Variants in RPS6KA3 observed in about 807,000 individuals in gnomAD.
RPS6KA3 encodes the protein ribosomal protein S6 kinase alpha-3.
A neutral mutation model predicts 67.2 loss-of-function variants in RPS6KA3; 4 were observed. The ratio of observed to expected loss-of-function variants is 0.06; its 90% confidence interval spans 0.03 to 0.14. The LOEUF (loss-of-function observed/expected upper bound fraction) is 0.14. RPS6KA3 is among the 10% of genes least tolerant of loss of function. The probability of loss-of-function intolerance (pLI) is 1.00; values close to 1 mark genes in which losing one functional copy is unlikely to be tolerated. For synonymous variants in RPS6KA3, 182 were observed against 183.7 expected (o/e 0.99, Z 0.07); for missense variants, 204 against 559.0 (o/e 0.36, Z 6.40).
rs1322260070 is a variant in RPS6KA3, at chrX:20,154,887, T to G, written c.*511A>C. On this transcript the variant is annotated 3_prime_UTR_variant, in exon 22 of 22. Transcript: ENST00000379565. ...AATAGATTCCAAGTTAAACAAGGCA[T>G]GTATACATTAAAGAAAGCAGTACAG... is the stretch of plus-strand genomic sequence containing the variant. 1 of 126,546 alleles carries G rather than the reference T, an allele frequency of 7.9e-6. No homozygotes were observed. The highest frequency in any genetic ancestry group is 2.1e-4 in the East Asian group (1 of 4,666). 10.4% of individuals were successfully genotyped at this position (126,546 alleles called of 1,213,427 possible). A position where few individuals can be genotyped will look rare whatever the true frequency, so the allele number is the denominator to read the frequency against.
intron 2 of RPS6KA3, among the ~76,000 whole-genome samples, chrX:20,220,874 G>C (rs981378377): frequency 5.4e-5 from 6 of 111,855 alleles, no homozygotes; most frequent in African/African-American, 1.9e-4. Context: ...GGAGATGTTA[G>C]GATATATGGC....
rs766544803 is a variant in RPS6KA3, at chrX:20,255,789, CAAAAAAAAAAAAA to C, written c.69+10762_69+10774del. 5.8e-4 allele frequency among the ~76,000 whole-genome samples: 10 copies of C among 17,151 alleles called. 1 individual carries two copies. The highest frequency in any genetic ancestry group is 3.8e-3 in the Admixed American group (3 of 795). The allele number at this position is 17,151 out of a possible 115,157, so 14.9% of individuals were successfully genotyped here. On this transcript the variant is annotated intron_variant, in intron 1 of 21. Coordinates refer to ENST00000379565, the MANE Select transcript of RPS6KA3 (RefSeq NM_004586.3). ...TGGGCAATAGAGCAAAATTTCGTCT[CAAAAAAAAAAAAA>C]AAAAAAAAAAAAAAAAAGGAATTAG...
intron 3 of RPS6KA3, among the ~76,000 whole-genome samples, chrX:20,204,728 C>T (rs2068533054): frequency 9.0e-6 from 1 of 111,221 alleles, no homozygotes; most frequent in Non-Finnish European, 1.9e-5. Context: ...TGGTGAAATC[C>T]CATGTCTACT....
chrX:20,234,845 CA>C, intron 1 of RPS6KA3, 31 bp from the exon 2 acceptor site: 3 of 1,074,064 alleles, frequency 2.8e-6, no homozygotes, highest in Non-Finnish European at 3.9e-6. Flanking sequence ...AGGAAGTTAC[CA>C]AAACAGACCT....
At chrX:20,247,771 A>G (rs1306106963) in intron 1 of RPS6KA3, among the ~76,000 whole-genome samples, 1 of 104,245 alleles carries the variant, frequency 9.6e-6, no homozygotes, top group Non-Finnish European at 2.0e-5. Flanking sequence ...TGGGCGACAG[A>G]GCGAGACTCC....
intron 9 of RPS6KA3, among the ~76,000 whole-genome samples, chrX:20,187,445 C>A (rs1307703953): frequency 9.0e-6 from 1 of 110,831 alleles, no homozygotes; most frequent in Admixed American, 9.6e-5. Context: ...GTCAGGTGAT[C>A]TACCCGCCTC....
chrX:20,198,974 C>T (rs188985420), intron 4 of RPS6KA3, among the ~76,000 whole-genome samples: 36 of 111,123 alleles, frequency 3.2e-4, no homozygotes, highest in African/African-American at 5.6e-4. Context: ...TGGGTTCAAA[C>T]GATTCTCCTG....
At chrX:20,261,138 G>C (rs1402761050) in intron 1 of RPS6KA3, among the ~76,000 whole-genome samples, 1 of 108,834 alleles carries the variant, frequency 9.2e-6, no homozygotes, top group African/African-American at 3.4e-5. Context: ...AGGATAGGAC[G>C]AGTGTGGGGG....
At chrX:20,187,418 G>A (rs891404229) in intron 9 of RPS6KA3, among the ~76,000 whole-genome samples, 13 of 109,890 alleles carry the variant, frequency 1.2e-4, no homozygotes, top group Admixed American at 4.9e-4. Context: ...TGGCCATGCC[G>A]GTCTTGAACT....
Position 20,152,767 on chromosome X carries a change from T to C in RPS6KA3, c.*2631A>G, listed in dbSNP as rs1321110985. The C allele has an allele frequency of 8.9e-6, 1 of 112,341 alleles. No homozygotes were observed. Among genetic ancestry groups the C allele is most frequent in the African/African-American group, 3.2e-5 (1 of 30,888 alleles). The allele number at this position is 112,341 out of a possible 1,213,427, so 9.3% of individuals were successfully genotyped here. A position where few individuals can be genotyped will look rare whatever the true frequency, so the allele number is the denominator to read the frequency against. ...GAAAGCCTTCCATTTTGTGAACATA[T>C]AACTTGCTTTTCTCCAATAAAATTG... On this transcript the variant is annotated 3_prime_UTR_variant, in exon 22 of 22. Coordinates refer to ENST00000379565, the MANE Select transcript of RPS6KA3 (RefSeq NM_004586.3).
At chrX:20,255,785 G>A (rs1355196721) in intron 1 of RPS6KA3, among the ~76,000 whole-genome samples, 1 of 15,494 alleles carries the variant, frequency 6.5e-5, no homozygotes, top group Non-Finnish European at 1.0e-4. Flanking sequence ...GCAAAATTTC[G>A]TCTCAAAAAA....
intron 3 of RPS6KA3, among the ~76,000 whole-genome samples, chrX:20,205,133 TA>T (rs1398163732): frequency 8.9e-6 from 1 of 112,564 alleles, no homozygotes; most frequent in East Asian, 2.8e-4. Flanking sequence ...AAGCCTGTTC[TA>T]AATAACTCAT....
chrX:20,153,862 C>A lies in RPS6KA3; in HGVS notation c.*1536G>T, dbSNP rs1212273361. On this transcript the variant is annotated 3_prime_UTR_variant, in exon 22 of 22. Transcript: ENST00000379565. ...TCTCAAACTCCTGACCTCAGGTGAT[C>A]CACCTGCCTCGGCCTCCCAAAATGC... 8.9e-6 allele frequency: 1 copy of A among 112,105 alleles called. No individual in the cohort carries two copies. The highest frequency in any genetic ancestry group is 1.9e-5 in the Non-Finnish European group (1 of 53,233). The allele number at this position is 112,105 out of a possible 1,213,427, so 9.2% of individuals were successfully genotyped here. A position where few individuals can be genotyped will look rare whatever the true frequency, so the allele number is the denominator to read the frequency against.
At position 20,150,337 on chromosome X, in the gene RPS6KA3, C is replaced by G. The variant is rs1175818966; in HGVS notation, c.*5061G>C. 8.9e-6 allele frequency: 1 copy of G among 112,055 alleles called. No individual in the cohort carries two copies. 9.2% of individuals were successfully genotyped at this position (112,055 alleles called of 1,213,427 possible). A position where few individuals can be genotyped will look rare whatever the true frequency, so the allele number is the denominator to read the frequency against. The stretch of plus-strand genomic sequence containing the variant: ...AAAAACTATTTAAGTAGGCACCCAC[C>G]CCATTCCCACCCATGACCAAAAATG... On this transcript the variant is annotated 3_prime_UTR_variant, in exon 22 of 22. Coordinates refer to ENST00000379565, the MANE Select transcript of RPS6KA3 (RefSeq NM_004586.3).
intron 10 of RPS6KA3, 48 bp from the exon 11 acceptor site, chrX:20,177,132 T>A (rs1569205799): frequency 3.3e-6 from 3 of 909,073 alleles, no homozygotes; most frequent in Non-Finnish European, 4.8e-6. Context: ...GGCATCTGTA[T>A]TTTTATTTTT....
In RPS6KA3 at chrX:20,252,411, C is replaced by CT. The variant is rs112131153; in HGVS notation, c.69+14152dup. On this transcript the variant is annotated intron_variant, in intron 1 of 21. Coordinates refer to ENST00000379565, the MANE Select transcript of RPS6KA3 (RefSeq NM_004586.3). ...ATTATAGGACTCTTTCCTATTTAAT[C>CT]TTTTTTTTTTTTTCCCCGAAGCAGG... is the stretch of plus-strand genomic sequence containing the variant. Among the ~76,000 whole-genome samples the CT allele has an allele frequency of 3.8e-3, 394 of 103,395 alleles. 2 individuals carry two copies. The highest frequency in any genetic ancestry group is 0.022 in the East Asian group (72 of 3,344). The allele number at this position is 103,395 out of a possible 115,157, so 89.8% of individuals were successfully genotyped here. A position where few individuals can be genotyped will look rare whatever the true frequency, so the allele number is the denominator to read the frequency against.
chrX:20,263,821 A>G (rs2070300203), intron 1 of RPS6KA3, among the ~76,000 whole-genome samples: 1 of 111,705 alleles, frequency 9.0e-6, no homozygotes, highest in African/African-American at 3.3e-5. Context: ...GAGGATTCAG[A>G]GAGGGGGGGA....
chrX:20,169,633 T>C, intron 15 of RPS6KA3, 142 bp from the exon 16 acceptor site: 2 of 533,979 alleles, frequency 3.7e-6, no homozygotes, highest in Admixed American at 2.3e-5. Context: ...TTCAACTACC[T>C]GGCCAGATTG....
chrX:20,174,347 CTTTTTTTTTT>C (rs746491012), intron 14 of RPS6KA3, among the ~76,000 whole-genome samples: 3 of 91,460 alleles, frequency 3.3e-5, no homozygotes, highest in Non-Finnish European at 6.5e-5. Flanking sequence ...ATTCTACTTT[CTTTTTTTTTT>C]TTTTTTTTCT....
Sources: gnomAD v4.1 joint callset for allele counts (sites outside exome capture counted in the v4.1 genomes callset) on GRCh38, gnomAD v4.1.1 for gene constraint, MANE v1.5 for transcripts, NCBI Gene and HGNC (gene_info 2026-07-23, HGNC 2026-07-21) for gene names.